Variants in MYH10 observed in about 807,000 individuals in gnomAD.
The protein encoded by MYH10 is myosin-10.
Under a neutral mutation model 257.8 loss-of-function variants are expected in MYH10, and 55 were observed. That is an observed-to-expected ratio of 0.21 (90% CI 0.17 to 0.27). The LOEUF is 0.27. Among genes scored for constraint, MYH10 ranks in the 10% least tolerant of loss-of-function variants. MYH10 has a pLI of 1.00. For missense variants in MYH10, 1,631 were observed against 2,500.6 expected (o/e 0.65, Z 7.42); for synonymous variants, 854 against 921.7 (o/e 0.93, Z 1.33).
chr17:8,582,333 C>T (rs1214274635), intron 4 of MYH10, among the ~76,000 whole-genome samples: 2 of 152,132 alleles, frequency 1.3e-5, no homozygotes, highest in East Asian at 3.9e-4. Flanking sequence ...AACAACAGGC[C>T]AAGACCTCAA....
intron 36 of MYH10, 152 bp from the exon 37 acceptor site, chr17:8,484,418 G>T: frequency 1.6e-6 from 1 of 618,128 alleles, no homozygotes. Context: ...GTGAGCTGCG[G>T]TGCCTGGCCC....
chr17:8,624,750 A>G (rs185558631), intron 1 of MYH10, among the ~76,000 whole-genome samples: 2 of 152,242 alleles, frequency 1.3e-5, no homozygotes, highest in South Asian at 4.1e-4. Context: ...AATCACTGAT[A>G]GTGGTTACAC....
intron 3 of MYH10, among the ~76,000 whole-genome samples, chr17:8,600,159 T>C (rs529680463): frequency 1.3e-5 from 2 of 152,252 alleles, no homozygotes; most frequent in African/African-American, 4.8e-5. Context: ...AGTAACAGCA[T>C]TAAAAGAGAC....
chr17:8,499,253 G>T lies in MYH10; in HGVS notation c.3951+17C>A. The T allele has an allele frequency of 6.3e-7, 1 of 1,577,002 alleles. No homozygotes were observed. The stretch of plus-strand genomic sequence containing the variant: ...TGCTACAGTGGGACGTGTGTAGAGC[G>T]GAGGTTTCTGGCTTACCTGCAGCTT... On this transcript the variant is annotated intron_variant, in intron 30 of 42. Coordinates refer to ENST00000360416, the MANE Select transcript of MYH10 (RefSeq NM_001256012.3).
intron 16 of MYH10, among the ~76,000 whole-genome samples, chr17:8,533,172 C>A (rs761143297): frequency 6.6e-6 from 1 of 152,196 alleles, no homozygotes; most frequent in African/African-American, 2.4e-5. Context: ...TCACTCCAAT[C>A]TACCCAAAAC....
At chr17:8,523,948 A>C (rs2081747518) in intron 17 of MYH10, among the ~76,000 whole-genome samples, 1 of 152,162 alleles carries the variant, frequency 6.6e-6, no homozygotes, top group African/African-American at 2.4e-5. Context: ...AACTCTAAGT[A>C]AGTCTGGGAT....
intron 26 of MYH10, 121 bp downstream of exon 26, chr17:8,508,433 C>G: frequency 7.2e-7 from 1 of 1,395,576 alleles, no homozygotes; most frequent in Non-Finnish European, 9.8e-7. Context: ...TCAACCCAAA[C>G]TGAAGGTCCT....
At chr17:8,554,624 T>C (rs1435129388) in intron 7 of MYH10, among the ~76,000 whole-genome samples, 4 of 152,054 alleles carry the variant, frequency 2.6e-5, no homozygotes, top group Non-Finnish European at 5.9e-5. Context: ...AAAGTTGTCA[T>C]AACACTGAGT....
intron 26 of MYH10, among the ~76,000 whole-genome samples, chr17:8,507,926 T>G (rs2151863227): frequency 6.6e-6 from 1 of 152,048 alleles, no homozygotes; most frequent in South Asian, 2.1e-4. Flanking sequence ...GAGCCAAGAT[T>G]GCGCCACTGC....
At chr17:8,578,995 C>T (rs1289132968) in intron 4 of MYH10, among the ~76,000 whole-genome samples, 4 of 152,106 alleles carry the variant, frequency 2.6e-5, no homozygotes, top group African/African-American at 9.7e-5. Flanking sequence ...CTTAGAATTG[C>T]ACTATTTGGG....
At chr17:8,553,933 A>G (rs974042812) in intron 8 of MYH10, 22 bp downstream of exon 8, 13 of 1,595,370 alleles carry the variant, frequency 8.1e-6, no homozygotes, top group Non-Finnish European at 1.1e-5. Flanking sequence ...ATTTTGGATT[A>G]TACATTTATG....
Position 8,506,497 on chromosome 17 carries a change from GT to G in MYH10, c.3215-9del, listed in dbSNP as rs1427745023. The G allele has an allele frequency of 4.3e-6, 7 of 1,609,728 alleles. No individual in the cohort carries two copies. The highest frequency in any genetic ancestry group is 5.9e-6 in the Non-Finnish European group (7 of 1,178,990). ...CTTCCTTCTTTAAGCGTTCTTTAAG[GT>G]AAGACATAAGAAGCTCTTCAACACA... On this transcript the variant is annotated splice_polypyrimidine_tract_variant and intron_variant, in intron 26 of 42. Transcript: ENST00000360416. This position sits in a 1 kb window ranked among gnomAD's most constrained non-coding sequence, Gnocchi z 5.0.
At position 8,535,590 on chromosome 17, in the gene MYH10, T is replaced by A. The variant is rs1749476765; in HGVS notation, c.1780-89A>T. The A allele has an allele frequency of 1.5e-6, 2 of 1,315,728 alleles. No homozygotes were observed. Among genetic ancestry groups the A allele is most frequent in the Admixed American group, 4.2e-5 (2 of 47,796 alleles). The allele number at this position is 1,315,728 out of a possible 1,614,324, so 81.5% of individuals were successfully genotyped here. On this transcript the variant is annotated intron_variant, in intron 15 of 42. Transcript: ENST00000360416. The surrounding 1 kb of genome is among the most constrained non-coding windows in gnomAD (Gnocchi z 4.3). ...ACACTTTAAGCCTCAACCAGAAACT[T>A]TTATACAACAGTCCCCAAAATGGGC...
intron 7 of MYH10, among the ~76,000 whole-genome samples, chr17:8,566,165 GA>G (rs766083754): frequency 1.0e-3 from 157 of 152,156 alleles, no homozygotes; most frequent in Admixed American, 2.9e-3. Flanking sequence ...GTCCCTTGGG[GA>G]ACCTCCAATT....
chr17:8,514,629 C>G (rs557673218), intron 21 of MYH10, among the ~76,000 whole-genome samples: 8 of 151,578 alleles, frequency 5.3e-5, no homozygotes, highest in African/African-American at 1.9e-4. Context: ...CCCTCAACCC[C>G]CCTCCTGCCA....
chr17:8,535,583 A>G lies in MYH10; in HGVS notation c.1780-82T>C. The stretch of plus-strand genomic sequence containing the variant: ...AACAAAAACACTTTAAGCCTCAACC[A>G]GAAACTTTTATACAACAGTCCCCAA... On this transcript the variant is annotated intron_variant, in intron 15 of 42. Transcript: ENST00000360416. This position sits in a 1 kb window ranked among gnomAD's most constrained non-coding sequence, Gnocchi z 4.3. The G allele has an allele frequency of 1.5e-6, 2 of 1,349,862 alleles. No homozygotes were observed. Among genetic ancestry groups the G allele is most frequent in the Non-Finnish European group, 2.1e-6 (2 of 968,674 alleles). 83.6% of individuals were successfully genotyped at this position (1,349,862 alleles called of 1,614,324 possible). A position where few individuals can be genotyped will look rare whatever the true frequency, so the allele number is the denominator to read the frequency against.
intron 4 of MYH10, among the ~76,000 whole-genome samples, chr17:8,582,025 A>G (rs568228006): frequency 6.6e-6 from 1 of 152,230 alleles, no homozygotes; most frequent in South Asian, 2.1e-4. Context: ...TGTCCTCGCC[A>G]AAAGGCTCTC....
At chr17:8,523,513 T>C (rs1279414246) in intron 17 of MYH10, among the ~76,000 whole-genome samples, 1 of 152,198 alleles carries the variant, frequency 6.6e-6, no homozygotes, top group Admixed American at 6.5e-5. Flanking sequence ...ACCACTCCAG[T>C]CGGTGCAATC....
intron 3 of MYH10, among the ~76,000 whole-genome samples, chr17:8,596,397 C>G (rs2084372539): frequency 6.6e-6 from 1 of 152,112 alleles, no homozygotes; most frequent in Non-Finnish European, 1.5e-5. Context: ...TCAGGTGATC[C>G]ACCTGCCTCA....
Sources: gnomAD v4.1 joint callset for allele counts (sites outside exome capture counted in the v4.1 genomes callset) on GRCh38, gnomAD v4.1.1 for gene constraint, Gnocchi (gnomAD v3.1) non-coding constraint, MANE v1.5 for transcripts, NCBI Gene and HGNC (gene_info 2026-07-23, HGNC 2026-07-21) for gene names.